The following SRC variants were observed in gnomAD, a reference collection of about 807,000 sequenced individuals.
SRC encodes SRC proto-oncogene, non-receptor tyrosine kinase, also known as proto-oncogene tyrosine-protein kinase Src.
A neutral mutation model predicts 62.9 loss-of-function variants in SRC; 13 were observed. The observed-to-expected ratio is 0.21, with a 90% confidence interval of 0.13 to 0.33. The LOEUF (loss-of-function observed/expected upper bound fraction) is 0.33. Among genes scored for constraint, SRC ranks in the 10% least tolerant of loss-of-function variants. The pLI is 1.00. For synonymous variants in SRC, 302 were observed against 317.5 expected (o/e 0.95, Z 0.52); for missense variants, 457 against 737.3 (o/e 0.62, Z 4.40).
At position 37,396,472 on chromosome 20, in the gene SRC, T is replaced by C; in HGVS notation, c.703+161T>C. Reference sequence around the variant, plus strand: ...TCCTCTCTCCTCCCTTTTCCCTCCTTTCCTTGTCTCCTTCTTCTTCCTCTT... The same window carrying C: ...TCCTCTCTCCTCCCTTTTCCCTCCTCTCCTTGTCTCCTTCTTCTTCCTCTT... On this transcript the variant is annotated intron_variant, in intron 8 of 13. Transcript: ENST00000373578. This position sits in a 1 kb window ranked among gnomAD's most constrained non-coding sequence, Gnocchi z 6.1. 1.2e-6 allele frequency: 1 copy of C among 815,644 alleles called. No individual in the cohort carries two copies. Among genetic ancestry groups the C allele is most frequent in the Non-Finnish European group, 1.9e-6 (1 of 535,976 alleles). 50.5% of individuals were successfully genotyped at this position (815,644 alleles called of 1,614,324 possible). A position where few individuals can be genotyped will look rare whatever the true frequency, so the allele number is the denominator to read the frequency against.
chr20:37,393,422 A>G (rs963857763), intron 5 of SRC, among the ~76,000 whole-genome samples: 25 of 152,198 alleles, frequency 1.6e-4, no homozygotes, highest in African/African-American at 5.8e-4. Context: ...CGGGCTTCCA[A>G]ATCTCAGAGC....
intron 2 of SRC, among the ~76,000 whole-genome samples, chr20:37,372,425 T>C (rs1000239375): frequency 2.0e-5 from 3 of 152,232 alleles, no homozygotes; most frequent in Admixed American, 6.5e-5. Flanking sequence ...TTTTGGTGAT[T>C]TATTCTTTGA....
In SRC at chr20:37,403,128, T is replaced by A. The variant is rs1245107960; in HGVS notation, c.1403-43T>A. 14 of 1,494,148 alleles carry A rather than the reference T, an allele frequency of 9.4e-6. No individual in the cohort carries two copies. The highest frequency in any genetic ancestry group is 1.2e-5 in the Non-Finnish European group (14 of 1,121,238). The allele number at this position is 1,494,148 out of a possible 1,614,324, so 92.6% of individuals were successfully genotyped here. A position where few individuals can be genotyped will look rare whatever the true frequency, so the allele number is the denominator to read the frequency against. On this transcript the variant is annotated intron_variant, in intron 13 of 13. Coordinates refer to ENST00000373578, the MANE Select transcript of SRC (RefSeq NM_198291.3). The surrounding 1 kb of genome is among the most constrained non-coding windows in gnomAD (Gnocchi z 7.1). ...CCCATCAGCTTCCCCCACCCCACTTTCCTCACCGGAGCCGGGCTCCCCATG... is the reference window on the plus strand; with the variant it reads ...CCCATCAGCTTCCCCCACCCCACTTACCTCACCGGAGCCGGGCTCCCCATG...
chr20:37,373,325 C>T (rs2070215684), intron 2 of SRC, among the ~76,000 whole-genome samples: 2 of 151,064 alleles, frequency 1.3e-5, no homozygotes, highest in African/African-American at 2.4e-5. Context: ...TATGTACACA[C>T]ATACACACAT....
intron 2 of SRC, among the ~76,000 whole-genome samples, chr20:37,376,973 C>T (rs185949976): frequency 3.5e-4 from 54 of 152,332 alleles, no homozygotes; most frequent in South Asian, 1.5e-3. Flanking sequence ...TCTCCTGAAC[C>T]GTGAGCATCC....
chr20:37,383,327 C>T (rs1015578983), intron 3 of SRC, among the ~76,000 whole-genome samples: 4 of 152,200 alleles, frequency 2.6e-5, no homozygotes, highest in African/African-American at 9.6e-5. Flanking sequence ...TGTGAAGGCC[C>T]TGTGGCTGGA....
chr20:37,368,201 T>C lies in SRC; in HGVS notation c.-173+2924T>C, dbSNP rs1272698893. Among the ~76,000 whole-genome samples the C allele has an allele frequency of 3.9e-5, 6 of 152,162 alleles. No homozygotes were observed. In the East Asian group the frequency reaches 9.7e-4, roughly 25 times the overall value. ...GGGAGGCCGAGGCGGGTGGATCACC[T>C]GAGGTCAGGAGTTAGAGACCAGCCT... On this transcript the variant is annotated intron_variant, in intron 2 of 13. Transcript: ENST00000373578.
intron 5 of SRC, among the ~76,000 whole-genome samples, chr20:37,391,580 G>A (rs557307216): frequency 3.9e-5 from 6 of 152,180 alleles, no homozygotes; most frequent in Non-Finnish European, 7.4e-5. Context: ...CTGGCCAGGC[G>A]CGGTGGCTCA....
At chr20:37,346,660 G>A (rs962554586) in intron 1 of SRC, among the ~76,000 whole-genome samples, 2 of 151,842 alleles carry the variant, frequency 1.3e-5, no homozygotes, top group African/African-American at 2.4e-5. Context: ...TGCGCCCCCC[G>A]GCCCCGGGTG....
At chr20:37,379,828 G>C (rs1373519566) in intron 2 of SRC, among the ~76,000 whole-genome samples, 1 of 149,232 alleles carries the variant, frequency 6.7e-6, no homozygotes, top group Non-Finnish European at 1.5e-5. Context: ...CCCGGGAGGC[G>C]GAGGTTGCAG....
chr20:37,352,132 T>C (rs1054455493), intron 1 of SRC, among the ~76,000 whole-genome samples: 21 of 152,258 alleles, frequency 1.4e-4, no homozygotes, highest in Non-Finnish European at 2.9e-4. Flanking sequence ...TGTATGATTG[T>C]ACAGCTTAGA....
intron 2 of SRC, among the ~76,000 whole-genome samples, chr20:37,374,322 C>T (rs559700810): frequency 6.6e-6 from 1 of 152,024 alleles, no homozygotes; most frequent in African/African-American, 2.4e-5. Flanking sequence ...TCATGATCTC[C>T]CCACCTCGGC....
Position 37,403,432 on chromosome 20 carries a change from CCT to C in SRC, c.*54_*55del. 4.0e-6 allele frequency: 6 copies of C among 1,513,690 alleles called. No homozygotes were observed. In the African/African-American group the frequency reaches 5.5e-5, roughly 14 times the overall value. The allele number at this position is 1,513,690 out of a possible 1,614,324, so 93.8% of individuals were successfully genotyped here. ...GGCTTGGATCCTGGGCTGGGTGGCC[CCT>C]GTCTCGGGGCTTGCCCCACTCTGCC... On this transcript the variant is annotated 3_prime_UTR_variant, in exon 14 of 14. Transcript: ENST00000373578. This position sits in a 1 kb window ranked among gnomAD's most constrained non-coding sequence, Gnocchi z 7.1.
intron 5 of SRC, among the ~76,000 whole-genome samples, chr20:37,390,695 G>A (rs1226250666): frequency 1.3e-5 from 2 of 152,126 alleles, no homozygotes; most frequent in Non-Finnish European, 1.5e-5. Context: ...GTGAGCCACC[G>A]TGCGCTGTCT....
chr20:37,350,771 C>T (rs769382368), intron 1 of SRC, among the ~76,000 whole-genome samples: 5 of 152,162 alleles, frequency 3.3e-5, no homozygotes, highest in Non-Finnish European at 5.9e-5. Context: ...GGCTTTCATC[C>T]CCCTGGCCTA....
At chr20:37,359,215 G>A (rs1219924853) in intron 1 of SRC, among the ~76,000 whole-genome samples, 1 of 152,224 alleles carries the variant, frequency 6.6e-6, no homozygotes, top group Non-Finnish European at 1.5e-5. Context: ...TTCCTGTGGG[G>A]CCCTAGGTGG....
intron 1 of SRC, among the ~76,000 whole-genome samples, chr20:37,348,572 G>A (rs1247973934): frequency 6.6e-6 from 1 of 152,192 alleles, no homozygotes; most frequent in African/African-American, 2.4e-5. Context: ...GGCCTGAGCT[G>A]AGGACGAGCA....
At chr20:37,393,801 G>T (rs1387593171) in intron 5 of SRC, 94 bp from the exon 6 acceptor site, 40 of 921,934 alleles carry the variant, frequency 4.3e-5, no homozygotes, top group Non-Finnish European at 4.2e-5. Flanking sequence ...TCAGCCACTA[G>T]AGCCCTGAGC....
intron 2 of SRC, among the ~76,000 whole-genome samples, chr20:37,373,117 C>T (rs1022223298): frequency 4.0e-5 from 6 of 150,664 alleles, no homozygotes; most frequent in Admixed American, 3.3e-4. Context: ...TATGTACACA[C>T]ACATATGTAC....
Sources: allele counts gnomAD v4.1 joint callset (sites outside exome capture counted in the v4.1 genomes callset), GRCh38; gene constraint gnomAD v4.1.1; non-coding constraint Gnocchi (gnomAD v3.1); transcripts MANE v1.5; gene names NCBI Gene and HGNC (gene_info 2026-07-23, HGNC 2026-07-21).